Variants in RALYL observed in about 807,000 individuals in gnomAD.
RALYL encodes RNA-binding Raly-like protein.
Under a neutral mutation model 35.1 loss-of-function variants are expected in RALYL, and 29 were observed. That is an observed-to-expected ratio of 0.83 (90% CI 0.61 to 1.13). The LOEUF (loss-of-function observed/expected upper bound fraction) is 1.13, where lower values mean the gene tolerates loss of function less well. Ranked by LOEUF, RALYL falls within the 50% of genes most tolerant of loss-of-function variation. RALYL has a pLI of 0.00. For synonymous variants in RALYL, 120 were observed against 127.6 expected, an observed-to-expected ratio of 0.94 and a Z score of 0.40; for missense variants, 359 against 360.4, an observed-to-expected ratio of 1.00 and a Z score of 0.03.
intron 4 of RALYL, among the ~76,000 whole-genome samples, chr8:84,818,917 A>G (rs1044221366): frequency 3.3e-5 from 5 of 152,188 alleles, no homozygotes; most frequent in African/African-American, 4.8e-5. Flanking sequence ...TGGTGACAGC[A>G]TGACAAGCTA....
In RALYL at chr8:84,541,619, A is replaced by G. The variant is rs112677244; in HGVS notation, c.256+12042A>G. On this transcript the variant is annotated intron_variant, in intron 2 of 8. Coordinates refer to ENST00000521268, the MANE Select transcript of RALYL (RefSeq NM_173848.7). ...TAACTGAATTACTCTGACCTTCCGCATCGTTACTGATTTTTGTCCTCTTTT... is the reference window on the plus strand; with the variant it reads ...TAACTGAATTACTCTGACCTTCCGCGTCGTTACTGATTTTTGTCCTCTTTT... Among the ~76,000 whole-genome samples, 1,411 of 152,080 alleles carry G rather than the reference A, an allele frequency of 9.3e-3. 26 individuals carry two copies. Among genetic ancestry groups the G allele is most frequent in the African/African-American group, 0.031 (1,298 of 41,542 alleles).
intron 1 of RALYL, among the ~76,000 whole-genome samples, chr8:84,335,093 G>C (rs1481587335): frequency 6.6e-6 from 1 of 152,130 alleles, no homozygotes; most frequent in Non-Finnish European, 1.5e-5. Flanking sequence ...GGGAGGGTGA[G>C]CTACACATCA....
At chr8:84,423,129 G>T (rs879273608) in intron 1 of RALYL, among the ~76,000 whole-genome samples, 45 of 150,646 alleles carry the variant, frequency 3.0e-4, no homozygotes, top group Non-Finnish European at 4.7e-4. Flanking sequence ...TCGTTGATCT[G>T]TCTAATGTTG....
chr8:84,263,116 T>A (rs950743402), intron 1 of RALYL, among the ~76,000 whole-genome samples: 2 of 151,936 alleles, frequency 1.3e-5, no homozygotes, highest in African/African-American at 2.4e-5. Flanking sequence ...TATGAATATA[T>A]GCAAATAAAA....
intron 1 of RALYL, among the ~76,000 whole-genome samples, chr8:84,240,967 A>T (rs1827717779): frequency 6.6e-6 from 1 of 152,112 alleles, no homozygotes; most frequent in Admixed American, 6.5e-5. Flanking sequence ...ACAGGGAAAA[A>T]TTCTATTAAA....
At chr8:84,436,543 G>GGTT (rs2047734256) in intron 1 of RALYL, among the ~76,000 whole-genome samples, 1 of 62,396 alleles carries the variant, frequency 1.6e-5, no homozygotes, top group Non-Finnish European at 2.7e-5. Flanking sequence ...AATCATGGGA[G>GGTT]TTTTTTTTTT....
At chr8:84,681,484 G>T (rs190615781) in intron 2 of RALYL, among the ~76,000 whole-genome samples, 3 of 152,228 alleles carry the variant, frequency 2.0e-5, no homozygotes, top group African/African-American at 7.2e-5. Flanking sequence ...AGCATGGAAT[G>T]CCCTTCCATT....
chr8:84,207,645 T>C, intron 1 of RALYL, among the ~76,000 whole-genome samples: 1 of 152,016 alleles, frequency 6.6e-6, no homozygotes, highest in Non-Finnish European at 1.5e-5. Flanking sequence ...TCTAATATAC[T>C]CAGCACAGTG....
chr8:84,402,573 A>T (rs946238619), intron 1 of RALYL, among the ~76,000 whole-genome samples: 3 of 152,142 alleles, frequency 2.0e-5, no homozygotes, highest in Non-Finnish European at 4.4e-5. Context: ...TCAATGAAGG[A>T]ATCAACACTA....
chr8:84,756,453 C>T (rs1042810165), intron 2 of RALYL, among the ~76,000 whole-genome samples: 3 of 152,108 alleles, frequency 2.0e-5, no homozygotes, highest in African/African-American at 7.2e-5. Flanking sequence ...ACAAGCTGCT[C>T]CTACAATTGA....
chr8:84,862,259 T>C (rs1838246031), intron 5 of RALYL, 37 bp from the exon 6 acceptor site: 3 of 1,417,634 alleles, frequency 2.1e-6, no homozygotes, highest in Non-Finnish European at 2.8e-6. Flanking sequence ...CTCTCGGGCA[T>C]CAAACCAACT....
intron 5 of RALYL, among the ~76,000 whole-genome samples, chr8:84,852,057 C>T (rs1202552923): frequency 2.6e-5 from 4 of 152,100 alleles, no homozygotes; most frequent in African/African-American, 7.2e-5. Context: ...AGTCATTTTC[C>T]GAAGGTCACC....
intron 3 of RALYL, among the ~76,000 whole-genome samples, chr8:84,784,248 T>C (rs1818860653): frequency 6.6e-6 from 1 of 152,066 alleles, no homozygotes. Context: ...CTTCTAACAA[T>C]GAAATAAATG....
At chr8:84,373,125 A>T (rs1586682407) in intron 1 of RALYL, among the ~76,000 whole-genome samples, 1 of 151,272 alleles carries the variant, frequency 6.6e-6, no homozygotes, top group African/African-American at 2.4e-5. Flanking sequence ...TTTCTTATAG[A>T]TGATGGATAT....
At chr8:84,483,805 G>A (rs962059912) in intron 1 of RALYL, among the ~76,000 whole-genome samples, 5 of 152,076 alleles carry the variant, frequency 3.3e-5, no homozygotes, top group African/African-American at 1.2e-4. Flanking sequence ...ATTTTTACAT[G>A]CAGTGACATT....
chr8:84,793,182 G>A (rs1050878233), intron 3 of RALYL, among the ~76,000 whole-genome samples: 1 of 152,124 alleles, frequency 6.6e-6, no homozygotes, highest in Non-Finnish European at 1.5e-5. Context: ...GGTATTCAAA[G>A]CCACAAGACT....
chr8:84,315,054 TG>T (rs1008000390), intron 1 of RALYL, among the ~76,000 whole-genome samples: 30 of 152,188 alleles, frequency 2.0e-4, no homozygotes, highest in African/African-American at 6.5e-4. Context: ...AATTTTTCTG[TG>T]GGTACATTCC....
intron 4 of RALYL, among the ~76,000 whole-genome samples, chr8:84,848,485 T>C (rs1055615601): frequency 1.3e-5 from 2 of 151,798 alleles, no homozygotes; most frequent in Non-Finnish European, 2.9e-5. Context: ...ATATTGTTCA[T>C]CCTCAAAAAG....
intron 1 of RALYL, among the ~76,000 whole-genome samples, chr8:84,428,779 A>T (rs905906857): frequency 6.6e-6 from 1 of 152,152 alleles, no homozygotes; most frequent in African/African-American, 2.4e-5. Context: ...GTATAGTATA[A>T]TTACCATGGT....
Sources: gnomAD v4.1 joint callset for allele counts (sites outside exome capture counted in the v4.1 genomes callset) on GRCh38, gnomAD v4.1.1 for gene constraint, MANE v1.5 for transcripts, NCBI Gene and HGNC (gene_info 2026-07-23, HGNC 2026-07-21) for gene names.